Variants in WDSUB1 observed in about 807,000 individuals in gnomAD.
WDSUB1 encodes WD repeat, SAM and U-box domain-containing protein 1.
In WDSUB1, 49 loss-of-function variants were observed where a neutral mutation model predicts 53.9. The observed-to-expected ratio is 0.91, with a 90% CI of 0.72 to 1.15. The LOEUF (loss-of-function observed/expected upper bound fraction) is 1.15. Among genes scored for constraint, WDSUB1 ranks in the 50% most tolerant of loss-of-function variants. The pLI is 0.00. For missense variants in WDSUB1, 514 were observed against 562.0 expected (o/e 0.91, Z 0.86); for synonymous variants, 194 against 200.6 (o/e 0.97, Z 0.28).
At position 159,242,319 on chromosome 2, in the gene WDSUB1, A is replaced by C. The variant is rs2060676238; in HGVS notation, c.1273+6053T>G. 1.4e-5 allele frequency among the ~76,000 whole-genome samples: 2 copies of C among 146,032 alleles called. 1 individual carries two copies. The highest frequency in any genetic ancestry group is 5.4e-5 in the African/African-American group (2 of 37,104). On this transcript the variant is annotated intron_variant, in intron 10 of 10. Coordinates refer to ENST00000359774, the MANE Select transcript of WDSUB1 (RefSeq NM_001128212.3). ...TGATCTGCCCACCTCGGCCTCCCAA[A>C]GTGCTGGGATTACAGGCGTGAGCCA...
intron 10 of WDSUB1, among the ~76,000 whole-genome samples, chr2:159,247,915 A>ATATT: frequency 2.6e-5 from 2 of 78,258 alleles, no homozygotes; most frequent in South Asian, 9.1e-4. Context: ...ATATAAATAT[A>ATATT]TATATATATA....
At chr2:159,282,584 T>C (rs939845994) in intron 2 of WDSUB1, 88 bp downstream of exon 2, 2 of 1,446,764 alleles carry the variant, frequency 1.4e-6, no homozygotes, top group Admixed American at 2.0e-5. Flanking sequence ...ACTTAGACTG[T>C]GCAGAGTATC....
intron 5 of WDSUB1, among the ~76,000 whole-genome samples, chr2:159,264,306 AACTT>A (rs1452566992): frequency 1.3e-5 from 2 of 152,314 alleles, no homozygotes; most frequent in Non-Finnish European, 2.9e-5. Flanking sequence ...TTACTAAATG[AACTT>A]ACTTGTTCAA....
chr2:159,281,838 A>G (rs1041731360), intron 2 of WDSUB1, among the ~76,000 whole-genome samples: 3 of 152,120 alleles, frequency 2.0e-5, no homozygotes, highest in Non-Finnish European at 2.9e-5. Context: ...CTGGCTGGGC[A>G]TGGTGGCAGG....
Position 159,257,976 on chromosome 2 carries a change from T to C in WDSUB1, c.814A>G (p.Asn272Asp). The part of the protein sequence containing the change: ...SVIVYDTNTE[N>D]ILHTLTQHTR... The stretch of plus-strand genomic sequence containing the variant: ...TGCTGAGTCAATGTGTGAAGTATAT[T>C]CTCAGTATTCTGAAAAACAATAAAA... Residue 272 changes from asparagine to aspartate, a missense_variant, in exon 7 of 11, where the codon AAT (asparagine) becomes GAT (aspartate). Asn to Asp is a conservative substitution (Grantham distance 23). Transcript: ENST00000359774. The C allele has an allele frequency of 1.9e-6, 3 of 1,612,730 alleles. No individual in the cohort carries two copies. The highest frequency in any genetic ancestry group is 2.5e-6 in the Non-Finnish European group (3 of 1,179,670).
intron 5 of WDSUB1, among the ~76,000 whole-genome samples, chr2:159,265,114 C>A (rs1558860976): frequency 6.7e-6 from 1 of 148,654 alleles, no homozygotes; most frequent in Non-Finnish European, 1.5e-5. Context: ...ACAACAACAA[C>A]AACAACAACA....
intron 10 of WDSUB1, among the ~76,000 whole-genome samples, chr2:159,244,693 G>C (rs1479324039): frequency 2.6e-5 from 4 of 152,180 alleles, no homozygotes; most frequent in Admixed American, 2.6e-4. Flanking sequence ...GGGAGGACAA[G>C]GCAGGAGGAT....
In WDSUB1 at chr2:159,269,232, G is replaced by A. The variant is rs2061402889; in HGVS notation, c.770+2470C>T. Among the ~76,000 whole-genome samples, 5 of 140,490 alleles carry A rather than the reference G, an allele frequency of 3.6e-5. No individual in the cohort carries two copies. In the South Asian group the frequency reaches 1.1e-3, roughly 31 times the overall value. The allele number at this position is 140,490 out of a possible 152,430, so 92.2% of individuals were successfully genotyped here. A position where few individuals can be genotyped will look rare whatever the true frequency, so the allele number is the denominator to read the frequency against. On this transcript the variant is annotated intron_variant, in intron 5 of 10. Coordinates refer to ENST00000359774, the MANE Select transcript of WDSUB1 (RefSeq NM_001128212.3). ...GTCACCCAGGCTGGAGTGCAGTGGT[G>A]TGATCTCAGCTCACTGCAACCTCCA...
intron 9 of WDSUB1, 68 bp downstream of exon 9, chr2:159,256,128 C>T: frequency 6.8e-7 from 1 of 1,476,190 alleles, no homozygotes; most frequent in Non-Finnish European, 9.1e-7. Flanking sequence ...ATTAATGCAA[C>T]AAAATCCAAC....
intron 8 of WDSUB1, among the ~76,000 whole-genome samples, chr2:159,257,437 A>G (rs899222546): frequency 2.7e-4 from 40 of 147,490 alleles, no homozygotes; most frequent in African/African-American, 9.0e-4. Context: ...CCCAGGCTGG[A>G]GTGCAATGGC....
chr2:159,267,729 AC>A (rs2061372863), intron 5 of WDSUB1, among the ~76,000 whole-genome samples: 1 of 152,036 alleles, frequency 6.6e-6, no homozygotes, highest in South Asian at 2.1e-4. Context: ...TCTTTCCCAT[AC>A]GTATTCATTC....
chr2:159,283,053 T>C lies in WDSUB1; in HGVS notation c.17A>G (p.His6Arg). 6.2e-7 allele frequency: 1 copy of C among 1,608,880 alleles called. No homozygotes were observed. The highest frequency in any genetic ancestry group is 8.5e-7 in the Non-Finnish European group (1 of 1,176,030). Residue 6 changes from histidine to arginine, a missense_variant, in exon 2 of 11, where the codon CAC becomes CGC. His to Arg is a conservative substitution (Grantham distance 29, BLOSUM62 0). Transcript: ENST00000359774. MVKLI[H>R]TLADHGDDVN... ...ATCGTCACCATGATCAGCTAATGTGTGAATCAGTTTCACCATGTTCTTTAT... is the reference window on the plus strand; with the variant it reads ...ATCGTCACCATGATCAGCTAATGTGCGAATCAGTTTCACCATGTTCTTTAT...
chr2:159,275,311 T>A (rs940162722), intron 4 of WDSUB1, among the ~76,000 whole-genome samples: 3 of 152,136 alleles, frequency 2.0e-5, no homozygotes, highest in Non-Finnish European at 2.9e-5. Flanking sequence ...TGAAATCAAG[T>A]GCAAAGTGGT....
intron 5 of WDSUB1, among the ~76,000 whole-genome samples, chr2:159,264,026 T>C (rs943432060): frequency 2.0e-5 from 3 of 152,200 alleles, no homozygotes; most frequent in Non-Finnish European, 1.5e-5. Context: ...GTCCTGCAGC[T>C]AGTTAAGTGG....
At position 159,275,597 on chromosome 2, in the gene WDSUB1, C is replaced by T; in HGVS notation, c.625G>A (p.Gly209Ser). The T allele has an allele frequency of 1.2e-6, 2 of 1,607,306 alleles. No homozygotes were observed. Among genetic ancestry groups the T allele is most frequent in the Non-Finnish European group, 1.7e-6 (2 of 1,178,190 alleles). Residue 209 changes from glycine to serine, a missense_variant, in exon 4 of 11, where the codon GGT (glycine) becomes AGT (serine). Physicochemically the swap from Gly to Ser is moderately conservative, Grantham distance 56 (BLOSUM62 0). Transcript: ENST00000359774. Reference protein sequence around the residue: ...GLQFFRLASCGQDCQVKIWIV... With the variant: ...GLQFFRLASCSQDCQVKIWIV... ...CAAATTTTGACTTGGCAATCCTGAC[C>T]ACATGATGCCAGTCGAAAAAACTGA...
rs545941549 is a variant in WDSUB1 at position 159,245,457 on chromosome 2, C to T, written c.1273+2915G>A. Among the ~76,000 whole-genome samples, 26 of 150,650 alleles carry T rather than the reference C, an allele frequency of 1.7e-4. No homozygotes were observed. In the South Asian group the frequency reaches 3.8e-3, roughly 22 times the overall value. ...CTGAGGCATGAGAATCACGTGAACC[C>T]GGGAGGCGGAGGTTGCAGTAAGCCG... On this transcript the variant is annotated intron_variant, in intron 10 of 10. Coordinates refer to ENST00000359774, the MANE Select transcript of WDSUB1 (RefSeq NM_001128212.3).
chr2:159,279,037 T>A (rs1474531153), intron 3 of WDSUB1, among the ~76,000 whole-genome samples: 3 of 152,206 alleles, frequency 2.0e-5, no homozygotes, highest in South Asian at 2.1e-4. Context: ...TTATTGAAAC[T>A]ACATTGTAGA....
At chr2:159,253,128 A>G (rs553567342) in intron 9 of WDSUB1, among the ~76,000 whole-genome samples, 5 of 152,338 alleles carry the variant, frequency 3.3e-5, no homozygotes, top group African/African-American at 1.2e-4. Flanking sequence ...TCGTTGCGTA[A>G]TATCACATCT....
In WDSUB1 at chr2:159,236,101, C is replaced by A. The variant is rs1300828904; in HGVS notation, c.1363G>T (p.Ala455Ser). Reference protein sequence around the residue: ...SPMTNLVLPSAVLTPNRTLKM... With the variant: ...SPMTNLVLPSSVLTPNRTLKM... Reference sequence around the variant, plus strand: ...AGAGTCCTATTTGGTGTAAGTACCGCTGAAGGAAGAACAAGATTTGTCATG... The same window carrying A: ...AGAGTCCTATTTGGTGTAAGTACCGATGAAGGAAGAACAAGATTTGTCATG... Residue 455 changes from alanine (A) to serine (S), a missense_variant, in exon 11 of 11, where the codon GCG (alanine) becomes TCG (serine). Coordinates refer to ENST00000359774, the MANE Select transcript of WDSUB1 (RefSeq NM_001128212.3). 1 of 1,613,928 alleles carries A rather than the reference C, an allele frequency of 6.2e-7. No individual in the cohort carries two copies. Among genetic ancestry groups the A allele is most frequent in the South Asian group, 1.1e-5 (1 of 90,984 alleles).
Sources: gnomAD v4.1 joint callset for allele counts (sites outside exome capture counted in the v4.1 genomes callset) on GRCh38, gnomAD v4.1.1 for gene constraint, MANE v1.5 for transcripts, NCBI Gene and HGNC (gene_info 2026-07-23, HGNC 2026-07-21) for gene names.